The following RBP3 variants were observed in gnomAD, a reference collection of about 807,000 sequenced individuals.
The protein encoded by RBP3 is retinol binding protein 3.
RBP3 carries 50 observed loss-of-function variants against 64.8 expected under a neutral mutation model. The observed-to-expected ratio is 0.77, with a 90% CI of 0.61 to 0.98. The LOEUF is 0.98. RBP3 is among the 50% of genes least tolerant of loss of function. The pLI, the probability that RBP3 is intolerant of heterozygous loss-of-function variation, is 0.00. For missense variants in RBP3, 1,712 were observed against 1,660.5 expected (o/e 1.03, Z -0.54); for synonymous variants, 828 against 730.2 (o/e 1.13, Z -2.16).
In RBP3 at chr10:47,357,259, C is replaced by T. The variant is rs74578742; in HGVS notation, c.3546C>T (p.His1182=). ...GCTGCCAGCCACCACAGACCTACCA[C>T]GTGGATGACACCAACCTCTACCTCA... ...SGGCQPPQTY[H]VDDTNLYLTI... is the part of the protein sequence containing the mutation. The change falls in exon 4 of 4, where the codon CAC becomes CAT. Residue 1182 remains histidine, a synonymous_variant. Transcript: ENST00000584701. 2,220 of 1,614,122 alleles carry T rather than the reference C, an allele frequency of 1.4e-3. 21 individuals carry two copies. In the African/African-American group the frequency reaches 0.026, roughly 19 times the overall value.
rs1555212058 is a variant in RBP3, at chr10:47,357,179, T to C, written c.3466T>C (p.Tyr1156His). The change falls in exon 4 of 4, where the codon TAT becomes CAT. Residue 1156 changes from tyrosine (Y) to histidine (H), a missense_variant. By Grantham distance (83) the Tyr-to-His change is moderately conservative. Coordinates refer to ENST00000584701, the MANE Select transcript of RBP3 (RefSeq NM_002900.3). Reference sequence around the variant, plus strand: ...GGCCGGCACCGCGGAGGAGTTCACCTATATCATGAAGAGGCTGGGCCGGGC... The same window carrying C: ...GGCCGGCACCGCGGAGGAGTTCACCCATATCATGAAGAGGCTGGGCCGGGC... ...VTAGTAEEFT[Y>H]IMKRLGRALV... 6.2e-7 allele frequency: 1 copy of C among 1,613,928 alleles called. No individual in the cohort carries two copies. Among genetic ancestry groups the C allele is most frequent in the South Asian group, 1.1e-5 (1 of 91,076 alleles).
Position 47,349,743 on chromosome 10 carries a change from C to T in RBP3, c.1259C>T (p.Ala420Val), listed in dbSNP as rs782767515. 6.2e-7 allele frequency: 1 copy of T among 1,612,690 alleles called. No individual in the cohort carries two copies. The highest frequency in any genetic ancestry group is 2.2e-5 in the East Asian group (1 of 44,864). Residue 420 changes from alanine (A) to valine (V), a missense_variant, in exon 1 of 4, where the codon GCT becomes GTT. Coordinates refer to ENST00000584701, the MANE Select transcript of RBP3 (RefSeq NM_002900.3). Reference protein sequence around the residue: ...GVAPELPEDEAIRQALVDSVF... With the variant: ...GVAPELPEDEVIRQALVDSVF... ...GCCCCAGAGTTGCCTGAGGACGAGG[C>T]TATCCGGCAAGCACTGGTGGACTCT... is the stretch of plus-strand genomic sequence containing the variant.
In RBP3 at chr10:47,353,957, C is replaced by G. The variant is rs868915141; in HGVS notation, c.3245+442C>G. 2.6e-5 allele frequency among the ~76,000 whole-genome samples: 4 copies of G among 152,330 alleles called. No individual in the cohort carries two copies. The East Asian group carries it at 7.7e-4, about 29-fold the overall frequency. ...TGGTGTGTGAGACAGCCAGGCCCCC[C>G]ACCTGGGAGTGTGCCTCACATCATA... is the stretch of plus-strand genomic sequence containing the variant. On this transcript the variant is annotated intron_variant, in intron 2 of 3. Transcript: ENST00000584701.
rs782184079 is a variant in RBP3, at chr10:47,350,517, A to G, written c.2033A>G (p.Asp678Gly). The G allele has an allele frequency of 3.7e-6, 6 of 1,612,828 alleles. No individual in the cohort carries two copies. The South Asian group carries it at 5.5e-5, about 15-fold the overall frequency. ...CAGGGCGCCTACCGCACAGCTGTGG[A>G]CTTGGAGTCTCTGGCCTCTCAGCTC... Reference protein sequence around the residue: ...LAQGAYRTAVDLESLASQLTA... With the variant: ...LAQGAYRTAVGLESLASQLTA... The change falls in exon 1 of 4, where the codon GAC becomes GGC. Residue 678 changes from aspartate (D) to glycine (G), a missense_variant. By Grantham distance (94) the Asp-to-Gly change is moderately conservative. Coordinates refer to ENST00000584701, the MANE Select transcript of RBP3 (RefSeq NM_002900.3).
chr10:47,351,554 G>C lies in RBP3; in HGVS notation c.3054+16G>C, dbSNP rs782465376. ...GCCCATGCAGGTGAGACCCAAGAGA[G>C]ACCTGGCTGAACCCAGTCCCGGGAG... On this transcript the variant is annotated intron_variant, in intron 1 of 3. Transcript: ENST00000584701. The C allele has an allele frequency of 1.9e-6, 3 of 1,613,456 alleles. No homozygotes were observed. Among genetic ancestry groups the C allele is most frequent in the Non-Finnish European group, 2.5e-6 (3 of 1,180,042 alleles).
chr10:47,352,809 C>T (rs1426403120), intron 1 of RBP3, among the ~76,000 whole-genome samples: 2 of 152,230 alleles, frequency 1.3e-5, no homozygotes, highest in African/African-American at 4.8e-5. Context: ...TCTGGCTCCA[C>T]CACTTACTGA....
In RBP3 at chr10:47,355,360, G is replaced by T. The variant is rs782277309; in HGVS notation, c.3246-16G>T. ...TGAGCTCAGCCCCTGAACAGGCTCTGCTTCCCATCCTTCAGGTTCAACATC... is the reference window on the plus strand; with the variant it reads ...TGAGCTCAGCCCCTGAACAGGCTCTTCTTCCCATCCTTCAGGTTCAACATC... On this transcript the variant is annotated splice_polypyrimidine_tract_variant and intron_variant, in intron 2 of 3. Transcript: ENST00000584701. The T allele has an allele frequency of 2.2e-5, 35 of 1,613,172 alleles. No individual in the cohort carries two copies. Among genetic ancestry groups the T allele is most frequent in the South Asian group, 9.9e-5 (9 of 91,046 alleles).
At chr10:47,355,301 C>T (rs1380686025) in intron 2 of RBP3, 75 bp from the exon 3 acceptor site, 2 of 1,595,172 alleles carry the variant, frequency 1.3e-6, no homozygotes, top group African/African-American at 2.7e-5. Flanking sequence ...GACAAAGATC[C>T]TGGCCTCCCC....
rs1435092552 is a variant in RBP3 at position 47,348,758 on chromosome 10, G to A, written c.274G>A (p.Glu92Lys). Residue 92 changes from glutamate (E) to lysine (K), a missense_variant, in exon 1 of 4, where the codon GAG becomes AAG. Glu to Lys is a moderately conservative substitution (Grantham distance 56, BLOSUM62 1). Transcript: ENST00000584701. ...LNDPRLVISY[E>K]PSTPEPPPQV... ...CGATCCTCGCCTGGTCATCTCCTAT[G>A]AGCCCAGCACCCCCGAGCCTCCCCC... 14 of 1,613,472 alleles carry A rather than the reference G, an allele frequency of 8.7e-6. No homozygotes were observed. Among genetic ancestry groups the A allele is most frequent in the Middle Eastern group, 1.6e-4 (1 of 6,084 alleles).
rs1837060057 is a variant in RBP3, at chr10:47,357,217, G to A, written c.3504G>A (p.Gly1168=). Residue 1168 remains glycine (G), a synonymous_variant, in exon 4 of 4, where the codon GGG becomes GGA. Coordinates refer to ENST00000584701, the MANE Select transcript of RBP3 (RefSeq NM_002900.3). ...MKRLGRALVI[G]EVTSGGCQPP... ...GGCTGGGCCGGGCCCTGGTCATTGG[G>A]GAGGTGACCAGTGGGGGCTGCCAGC... The A allele has an allele frequency of 6.2e-7, 1 of 1,614,042 alleles. No individual in the cohort carries two copies. Among genetic ancestry groups the A allele is most frequent in the African/African-American group, 1.3e-5 (1 of 75,052 alleles).
intron 3 of RBP3, 89 bp from the exon 4 acceptor site, chr10:47,357,013 C>G: frequency 8.0e-7 from 1 of 1,250,132 alleles, no homozygotes; most frequent in South Asian, 1.3e-5. Flanking sequence ...CGGGCCTCCT[C>G]CATCACTGCA....
Position 47,350,091 on chromosome 10 carries a change from GGGT to G in RBP3, c.1609_1611del (p.Val537del). 6.2e-7 allele frequency: 1 copy of G among 1,613,038 alleles called. No homozygotes were observed. Among genetic ancestry groups the G allele is most frequent in the Non-Finnish European group, 8.5e-7 (1 of 1,179,998 alleles). ...GGCCCACGCTACAGCACCCAACGTG[GGGT>G]GTATCTGCTCACCAGCCACCGCACC... On this transcript the variant is annotated inframe_deletion, in exon 1 of 4. Transcript: ENST00000584701.
chr10:47,350,282 G>A lies in RBP3; in HGVS notation c.1798G>A (p.Asp600Asn), dbSNP rs1555211333. ...ALTVPVLTFI[D>N]NHGEAWLGGG... ...CACCGTGCCGGTCCTCACCTTCATCGACAATCACGGCGAGGCCTGGCTGGG... is the reference window on the plus strand; with the variant it reads ...CACCGTGCCGGTCCTCACCTTCATCAACAATCACGGCGAGGCCTGGCTGGG... The change falls in exon 1 of 4, where the codon GAC becomes AAC. Residue 600 changes from aspartate (D) to asparagine (N), a missense_variant. Physicochemically the swap from Asp to Asn is conservative, Grantham distance 23. Coordinates refer to ENST00000584701, the MANE Select transcript of RBP3 (RefSeq NM_002900.3). 6 of 1,608,514 alleles carry A rather than the reference G, an allele frequency of 3.7e-6. No individual in the cohort carries two copies. The highest frequency in any genetic ancestry group is 2.2e-5 in the East Asian group (1 of 44,892).
chr10:47,350,928 G>C lies in RBP3; in HGVS notation c.2444G>C (p.Arg815Thr). The C allele has an allele frequency of 6.8e-6, 11 of 1,613,012 alleles. No homozygotes were observed. The highest frequency in any genetic ancestry group is 8.5e-6 in the Non-Finnish European group (10 of 1,180,016). The change falls in exon 1 of 4, where the codon AGG (arginine) becomes ACG (threonine). Residue 815 changes from arginine (R) to threonine (T), a missense_variant. Arg to Thr is a moderately conservative substitution (Grantham distance 71, BLOSUM62 -1). Transcript: ENST00000584701. ...PRQHLYSVFD[R>T]ATSKVTEVWT... ...CAGCACCTGTATTCTGTCTTTGACA[G>C]GGCCACCTCAAAAGTCACGGAGGTG...
At chr10:47,353,655 C>G (rs1837010222) in intron 2 of RBP3, 140 bp downstream of exon 2, 6 of 990,716 alleles carry the variant, frequency 6.1e-6, no homozygotes, top group Non-Finnish European at 9.2e-6. Flanking sequence ...TCCTGCCTAT[C>G]AGGGCTTCGG....
In RBP3 at chr10:47,348,610, G is replaced by A. The variant is rs146175391; in HGVS notation, c.126G>A (p.Pro42=). 716 of 1,613,464 alleles carry A rather than the reference G, an allele frequency of 4.4e-4. No homozygotes were observed. The highest frequency in any genetic ancestry group is 1.5e-3 in the Middle Eastern group (9 of 6,062). ...TCCTCTTGGATAACTACTGCTTCCC[G>A]GAGAACCTGCTGGGCATGCAGGAAG... The part of the protein sequence containing the change: ...AKVLLDNYCF[P]ENLLGMQEAI... Residue 42 remains proline, a synonymous_variant, in exon 1 of 4, where the codon CCG becomes CCA. Transcript: ENST00000584701.
chr10:47,350,125 G>A lies in RBP3; in HGVS notation c.1641G>A (p.Thr547=), dbSNP rs534717081. The part of the protein sequence containing the change: ...VYLLTSHRTA[T]AAEEFAFLMQ... The stretch of plus-strand genomic sequence containing the variant: ...TGCTCACCAGCCACCGCACCGCCAC[G>A]GCCGCGGAGGAGTTCGCCTTCCTTA... The change falls in exon 1 of 4, where the codon ACG becomes ACA. Residue 547 remains threonine (T), a synonymous_variant. Coordinates refer to ENST00000584701, the MANE Select transcript of RBP3 (RefSeq NM_002900.3). 88 of 1,613,006 alleles carry A rather than the reference G, an allele frequency of 5.5e-5. No homozygotes were observed. In the East Asian group the frequency reaches 8.7e-4, roughly 16 times the overall value.
Position 47,350,093 on chromosome 10 carries a change from G to A in RBP3, c.1609G>A (p.Val537Met), listed in dbSNP as rs1413472355. The A allele has an allele frequency of 8.1e-6, 13 of 1,613,046 alleles. No individual in the cohort carries two copies. The highest frequency in any genetic ancestry group is 1.1e-5 in the South Asian group (1 of 91,070). Reference protein sequence around the residue: ...PGPRYSTQRGVYLLTSHRTAT... With the variant: ...PGPRYSTQRGMYLLTSHRTAT... ...CCCACGCTACAGCACCCAACGTGGGGTGTATCTGCTCACCAGCCACCGCAC... is the reference window on the plus strand; with the variant it reads ...CCCACGCTACAGCACCCAACGTGGGATGTATCTGCTCACCAGCCACCGCAC... Residue 537 changes from valine to methionine, a missense_variant, in exon 1 of 4, where the codon GTG becomes ATG. Transcript: ENST00000584701.
intron 1 of RBP3, 68 bp from the exon 2 acceptor site, chr10:47,353,257 G>A (rs560883584): frequency 7.6e-6 from 11 of 1,445,738 alleles, no homozygotes; most frequent in Admixed American, 6.7e-5. Flanking sequence ...TTCCCATGGC[G>A]CCTGCTTTCC....
Sources: gnomAD v4.1 joint callset for allele counts (sites outside exome capture counted in the v4.1 genomes callset) on GRCh38, gnomAD v4.1.1 for gene constraint, MANE v1.5 for transcripts, NCBI Gene and HGNC (gene_info 2026-07-23, HGNC 2026-07-21) for gene names.